Variants in KLHL13 observed in about 807,000 individuals in gnomAD.
KLHL13 encodes kelch-like protein 13.
KLHL13 carries 10 observed loss-of-function variants against 37.1 expected under a neutral mutation model. That is an observed-to-expected ratio of 0.27 (90% confidence interval 0.17 to 0.46). KLHL13 has a LOEUF of 0.46. Ranked by LOEUF, KLHL13 falls within the 20% of genes least tolerant of loss-of-function variation. The pLI, the probability that KLHL13 is intolerant of heterozygous loss-of-function variation, is 1.00. For missense variants in KLHL13, 360 were observed against 509.3 expected, an observed-to-expected ratio of 0.71 and a Z score of 2.82; for synonymous variants, 163 against 181.2, an observed-to-expected ratio of 0.90 and a Z score of 0.81.
chrX:118,029,548 T>C, intron 1 of KLHL13, among the ~76,000 whole-genome samples: 1 of 112,362 alleles, frequency 8.9e-6, no homozygotes, highest in Non-Finnish European at 1.9e-5. Context: ...ATTTTATGTA[T>C]TTATTCTATT....
At chrX:117,899,102 C>A (rs1419216777) in exon 7 of KLHL13, 3 of 1,211,433 alleles carry the variant, frequency 2.5e-6, no homozygotes, top group Non-Finnish European at 3.4e-6. Context: ...TACCCCCCAA[C>A]CACATAGATT....
chrX:118,053,185 G>A (rs893894611), intron 1 of KLHL13, among the ~76,000 whole-genome samples: 1 of 112,109 alleles, frequency 8.9e-6, no homozygotes, highest in Non-Finnish European at 1.9e-5. Flanking sequence ...AAAGACGCAT[G>A]CACACGTATA....
intron 1 of KLHL13, among the ~76,000 whole-genome samples, chrX:118,048,533 G>A (rs2054582792): frequency 9.0e-6 from 1 of 111,323 alleles, no homozygotes; most frequent in African/African-American, 3.3e-5. Context: ...CAGCTACATG[G>A]TGGCTACATG....
At chrX:118,067,965 C>T (rs973603639) in intron 1 of KLHL13, among the ~76,000 whole-genome samples, 1 of 111,688 alleles carries the variant, frequency 9.0e-6, no homozygotes, top group Non-Finnish European at 1.9e-5. Flanking sequence ...AACAGTATTG[C>T]TATACCTTTA....
chrX:117,930,909 C>G (rs6646002), intron 2 of KLHL13, among the ~76,000 whole-genome samples: 1 of 111,821 alleles, frequency 8.9e-6, no homozygotes, highest in Non-Finnish European at 1.9e-5. Context: ...AATCATTATG[C>G]CTGTTTCTTA....
At chrX:118,057,472 G>C (rs1286575798) in intron 1 of KLHL13, among the ~76,000 whole-genome samples, 1 of 112,427 alleles carries the variant, frequency 8.9e-6, no homozygotes, top group African/African-American at 3.2e-5. Flanking sequence ...AGCAACAATA[G>C]ATAATTTGGA....
At chrX:118,019,995 T>C (rs2054183030) in intron 1 of KLHL13, among the ~76,000 whole-genome samples, 1 of 109,380 alleles carries the variant, frequency 9.1e-6, no homozygotes, top group African/African-American at 3.4e-5. Flanking sequence ...TGGTTCCATA[T>C]GAACTTTAAA....
At chrX:118,018,213 CTCTTAACTCTTTA>C (rs753939995) in intron 1 of KLHL13, among the ~76,000 whole-genome samples, 252 of 111,635 alleles carry the variant, frequency 2.3e-3, no homozygotes, top group African/African-American at 7.5e-3. Context: ...CCTCCGCTCA[CTCTTAACTCTTTA>C]TATTTCCACC....
chrX:118,012,069 G>C (rs201297076), intron 1 of KLHL13, among the ~76,000 whole-genome samples: 2 of 111,855 alleles, frequency 1.8e-5, no homozygotes, highest in African/African-American at 6.5e-5. Context: ...CTGAAACTGA[G>C]ACCTGGCAAT....
In KLHL13 at chrX:118,111,689, G is replaced by A. The variant is rs6646094; in HGVS notation, c.-56+4819C>T. 6.9e-3 allele frequency among the ~76,000 whole-genome samples: 780 copies of A among 112,420 alleles called. 8 individuals carry two copies. Among genetic ancestry groups the A allele is most frequent in the African/African-American group, 0.022 (667 of 30,973 alleles). Reference sequence around the variant, plus strand: ...AGGTGGATCACGAGGTCAGAAGATCGAGACCATCCTGGCTAACATGGTGAA... The same window carrying A: ...AGGTGGATCACGAGGTCAGAAGATCAAGACCATCCTGGCTAACATGGTGAA... On this transcript the variant is annotated intron_variant, in intron 1 of 6. Transcript: ENST00000371882.
At chrX:117,973,388 A>G (rs1300179245) in exon 1 of KLHL13, 1 of 972,365 alleles carries the variant, frequency 1.0e-6, no homozygotes, top group South Asian at 2.0e-5. Context: ...AAACCTCAGC[A>G]TAGCCTTAGG....
At chrX:118,100,778 T>A (rs1456936790) in intron 1 of KLHL13, among the ~76,000 whole-genome samples, 1 of 111,767 alleles carries the variant, frequency 8.9e-6, no homozygotes. Flanking sequence ...CCGTATATCC[T>A]TGTCTTTCCA....
chrX:118,001,395 T>C (rs1368018851), intron 1 of KLHL13, among the ~76,000 whole-genome samples: 1 of 112,143 alleles, frequency 8.9e-6, no homozygotes, highest in African/African-American at 3.2e-5. Flanking sequence ...AACAAAATTT[T>C]TCATTGTTTT....
intron 1 of KLHL13, among the ~76,000 whole-genome samples, chrX:117,999,622 A>G (rs953133875): frequency 3.6e-5 from 4 of 110,589 alleles, no homozygotes; most frequent in Non-Finnish European, 7.6e-5. Context: ...CAGCACACCA[A>G]CATGGCACAT....
At chrX:117,907,341 A>C (rs1267667699) in intron 5 of KLHL13, among the ~76,000 whole-genome samples, 1 of 111,613 alleles carries the variant, frequency 9.0e-6, no homozygotes, top group African/African-American at 3.3e-5. Flanking sequence ...TATGGCTTTT[A>C]ATTAGTATTA....
chrX:118,018,263 T>C (rs1350836069), intron 1 of KLHL13, among the ~76,000 whole-genome samples: 2 of 111,508 alleles, frequency 1.8e-5, no homozygotes, highest in African/African-American at 6.5e-5. Flanking sequence ...CATAACAATT[T>C]TCTTCGTGAT....
chrX:117,981,389 T>C (rs750697465), intron 1 of KLHL13, among the ~76,000 whole-genome samples: 2 of 112,413 alleles, frequency 1.8e-5, no homozygotes, highest in African/African-American at 6.4e-5. Context: ...ATTCATCTTC[T>C]AGGTTGAATC....
At chrX:118,070,598 T>C (rs1257837252) in intron 1 of KLHL13, among the ~76,000 whole-genome samples, 1 of 111,132 alleles carries the variant, frequency 9.0e-6, no homozygotes, top group African/African-American at 3.3e-5. Context: ...ACTCAATAAA[T>C]TAAGCTTGAT....
At chrX:117,927,486 T>C (rs1317816417) in intron 2 of KLHL13, among the ~76,000 whole-genome samples, 2 of 112,209 alleles carry the variant, frequency 1.8e-5, no homozygotes, top group African/African-American at 6.5e-5. Context: ...GGTGCAGCCA[T>C]GATAACTGTG....
Sources: allele counts gnomAD v4.1 joint callset (sites outside exome capture counted in the v4.1 genomes callset), GRCh38; gene constraint gnomAD v4.1.1; transcripts MANE v1.5; gene names NCBI Gene and HGNC (gene_info 2026-07-23, HGNC 2026-07-21).